The following MYCBP2 variants were observed in gnomAD, a reference collection of about 807,000 sequenced individuals.
The protein encoded by MYCBP2 is MYC binding protein 2.
Under a neutral mutation model 525.3 loss-of-function variants are expected in MYCBP2, and 120 were observed. The ratio of observed to expected loss-of-function variants is 0.23; its 90% CI spans 0.20 to 0.27. The LOEUF is 0.27. MYCBP2 is among the 10% of genes least tolerant of loss of function. The probability of loss-of-function intolerance (pLI) is 1.00; values close to 1 mark genes in which losing one functional copy is unlikely to be tolerated. For synonymous variants in MYCBP2, 1,894 were observed against 1,955.8 expected (o/e 0.97, Z 0.83); for missense variants, 4,149 against 5,657.1 (o/e 0.73, Z 8.55).
rs2076498890 is a variant in MYCBP2, at chr13:77,284,239, A to G, written c.594+3922T>C. Among the ~76,000 whole-genome samples the G allele has an allele frequency of 2.1e-5, 3 of 145,700 alleles. No homozygotes were observed. In the South Asian group the frequency reaches 6.3e-4, roughly 31 times the overall value. On this transcript the variant is annotated intron_variant, in intron 3 of 82. Coordinates refer to ENST00000544440, the MANE Select transcript of MYCBP2 (RefSeq NM_015057.5). ...AAAACTGTCTTAATCATGTTAAGGA[A>G]AAAAAAAAAAGAGTACAAGAAACAG...
intron 4 of MYCBP2, 21 bp downstream of exon 4, chr13:77,278,737 T>C (rs749814891): frequency 1.2e-5 from 17 of 1,477,246 alleles, no homozygotes; most frequent in Non-Finnish European, 1.5e-5. Context: ...AATGCTTCAC[T>C]GAATGAGCCT....
In MYCBP2 at chr13:77,067,688, T is replaced by G. The variant is rs1365026927; in HGVS notation, c.12348A>C (p.Ala4116=). The part of the protein sequence containing the change: ...LDMFLGCIAK[A]LTVQLKAKGT... The stretch of plus-strand genomic sequence containing the variant: ...CTTTGGCTTTTAGCTGTACAGTGAG[T>G]GCTTTGGCAATGCATCCTAGAAACA... The change falls in exon 71 of 83, where the codon GCA becomes GCC. Residue 4116 remains alanine (A), a synonymous_variant. Transcript: ENST00000544440. 2 of 1,614,134 alleles carry G rather than the reference T, an allele frequency of 1.2e-6. No homozygotes were observed. The highest frequency in any genetic ancestry group is 1.7e-6 in the Non-Finnish European group (2 of 1,180,024).
chr13:77,144,622 C>T (rs202233238), intron 48 of MYCBP2, 62 bp from the exon 49 acceptor site: 316 of 1,064,280 alleles, frequency 3.0e-4, no homozygotes, highest in Middle Eastern at 6.0e-4. Context: ...AACATCATTA[C>T]GATAGTTCAG....
chr13:77,140,714 A>G lies in MYCBP2; in HGVS notation c.7401+132T>C. On this transcript the variant is annotated intron_variant, in intron 50 of 82. Coordinates refer to ENST00000544440, the MANE Select transcript of MYCBP2 (RefSeq NM_015057.5). ...AATATTACCATGAACTACTCTCTAA[A>G]TTTATTTAGGGATATTTAGAATTCA... is the stretch of plus-strand genomic sequence containing the variant. 4 of 735,778 alleles carry G rather than the reference A, an allele frequency of 5.4e-6. No individual in the cohort carries two copies. In the South Asian group the frequency reaches 6.4e-5, roughly 12 times the overall value. 45.6% of individuals were successfully genotyped at this position (735,778 alleles called of 1,614,324 possible).
chr13:77,233,860 CAGAG>C (rs553354552), intron 17 of MYCBP2, among the ~76,000 whole-genome samples: 2 of 147,520 alleles, frequency 1.4e-5, no homozygotes, highest in Non-Finnish European at 1.5e-5. Flanking sequence ...TGTATACACA[CAGAG>C]AGAGAGAGAG....
chr13:77,303,376 A>C (rs2079024033), intron 1 of MYCBP2, among the ~76,000 whole-genome samples: 2 of 152,208 alleles, frequency 1.3e-5, no homozygotes, highest in South Asian at 4.1e-4. Flanking sequence ...ACCTGACCTA[A>C]TTGGCATACA....
In MYCBP2 at chr13:77,167,409, G is replaced by A. The variant is rs543605743; in HGVS notation, c.6115-855C>T. ...AGAGGGGTGTCTGAAAGAACCAGCA[G>A]GTAAGCTGAAGAGGCTCCCATCTAA... is the stretch of plus-strand genomic sequence containing the variant. On this transcript the variant is annotated intron_variant, in intron 40 of 82. Coordinates refer to ENST00000544440, the MANE Select transcript of MYCBP2 (RefSeq NM_015057.5). Among the ~76,000 whole-genome samples the A allele has an allele frequency of 7.9e-5, 12 of 152,192 alleles. No homozygotes were observed. The South Asian group carries it at 2.3e-3, about 29-fold the overall frequency.
chr13:77,059,043 G>C (rs1027953390), intron 77 of MYCBP2, among the ~76,000 whole-genome samples: 22 of 150,872 alleles, frequency 1.5e-4, no homozygotes, highest in Non-Finnish European at 2.7e-4. Flanking sequence ...ACCACTCTCC[G>C]CATCACCAAA....
intron 31 of MYCBP2, 98 bp from the exon 32 acceptor site, chr13:77,185,475 C>T: frequency 8.1e-7 from 1 of 1,229,402 alleles, no homozygotes; most frequent in Non-Finnish European, 1.1e-6. Context: ...AGCTAAGTAT[C>T]ACAAGTACTA....
chr13:77,187,070 A>T (rs934332904), intron 30 of MYCBP2, among the ~76,000 whole-genome samples: 1 of 152,150 alleles, frequency 6.6e-6, no homozygotes, highest in African/African-American at 2.4e-5. Flanking sequence ...TCGGCCTCCA[A>T]AAGTGCTGGG....
Position 77,327,043 on chromosome 13 carries a change from C to T in MYCBP2, c.-268G>A. ...GGAGGCGGTGCCGCCACTGCCGCCG[C>T]CACCACCGCTACCACCGCCACCACC... is the stretch of plus-strand genomic sequence containing the variant. On this transcript the variant is annotated 5_prime_UTR_variant, in exon 1 of 83. Coordinates refer to ENST00000544440, the MANE Select transcript of MYCBP2 (RefSeq NM_015057.5). The T allele has an allele frequency of 2.3e-6, 1 of 438,120 alleles. No individual in the cohort carries two copies. The highest frequency in any genetic ancestry group is 4.0e-6 in the Non-Finnish European group (1 of 252,956). 27.1% of individuals were successfully genotyped at this position (438,120 alleles called of 1,614,324 possible).
chr13:77,112,994 A>C (rs889979083), intron 55 of MYCBP2, among the ~76,000 whole-genome samples: 1 of 152,120 alleles, frequency 6.6e-6, no homozygotes, highest in Non-Finnish European at 1.5e-5. Flanking sequence ...TTTTCTCCTA[A>C]GCCTATTCTA....
chr13:77,270,067 C>A lies in MYCBP2; in HGVS notation c.1189-4G>T, dbSNP rs184831840. 1.1e-4 allele frequency: 170 copies of A among 1,581,404 alleles called. No homozygotes were observed. The African/African-American group carries it at 2.0e-3, about 19-fold the overall frequency. On this transcript the variant is annotated splice_polypyrimidine_tract_variant and splice_region_variant and intron_variant, in intron 6 of 82. Transcript: ENST00000544440. The stretch of plus-strand genomic sequence containing the variant: ...ATGTAGAATTGTATATATGGCCCTG[C>A]AAAAAAAACAAAAGTTAGTATATCA...
At chr13:77,099,200 C>T in intron 55 of MYCBP2, 187 bp from the exon 56 acceptor site, 3 of 790,916 alleles carry the variant, frequency 3.8e-6, no homozygotes, top group Non-Finnish European at 5.8e-6. Context: ...CACATCATTA[C>T]ACAACATTAC....
intron 43 of MYCBP2, among the ~76,000 whole-genome samples, 198 bp downstream of exon 43, chr13:77,164,256 C>T (rs1010637792): frequency 1.3e-5 from 2 of 152,098 alleles, no homozygotes; most frequent in African/African-American, 2.4e-5. Context: ...TGTCCATGTG[C>T]GTGTGTAAAT....
intron 14 of MYCBP2, among the ~76,000 whole-genome samples, chr13:77,252,299 T>G (rs1265354807): frequency 1.3e-5 from 2 of 152,186 alleles, no homozygotes; most frequent in Non-Finnish European, 2.9e-5. Flanking sequence ...GTAAAATCAA[T>G]TTTTAGCTTA....
chr13:77,121,414 C>T lies in MYCBP2; in HGVS notation c.8099G>A (p.Cys2700Tyr). The T allele has an allele frequency of 1.9e-6, 3 of 1,597,610 alleles. No individual in the cohort carries two copies. Among genetic ancestry groups the T allele is most frequent in the Non-Finnish European group, 8.6e-7 (1 of 1,168,726 alleles). Residue 2700 changes from cysteine to tyrosine, a missense_variant, in exon 55 of 83, where the codon TGC becomes TAC. Cys to Tyr is a radical substitution (Grantham distance 194, BLOSUM62 -2). This residue lies in a region of MYCBP2 where 653 missense variants were observed against 744.7 expected (regional missense o/e 0.88). Coordinates refer to ENST00000544440, the MANE Select transcript of MYCBP2 (RefSeq NM_015057.5). The part of the protein sequence containing the change: ...SVQAFNKGAS[C>Y]SAQGFDYGLG... ...TCCATAATCAAATCCTTGGGCACTG[C>T]AACTTGCCCCTTTATTAAAAGCTTG...
At chr13:77,138,352 T>C (rs996408328) in intron 52 of MYCBP2, among the ~76,000 whole-genome samples, 1 of 152,208 alleles carries the variant, frequency 6.6e-6, no homozygotes, top group Non-Finnish European at 1.5e-5. Flanking sequence ...TTGGAGAACA[T>C]TATTATGGAC....
chr13:77,202,589 C>A (rs1293704401), intron 26 of MYCBP2, among the ~76,000 whole-genome samples: 3 of 151,220 alleles, frequency 2.0e-5, no homozygotes, highest in Non-Finnish European at 4.4e-5. Flanking sequence ...GAGACACAAC[C>A]AAAAAAGAGA....
Sources: allele counts gnomAD v4.1 joint callset (sites outside exome capture counted in the v4.1 genomes callset), GRCh38; gene constraint gnomAD v4.1.1; regional missense constraint gnomAD v4.1.1; transcripts MANE v1.5; gene names NCBI Gene and HGNC (gene_info 2026-07-23, HGNC 2026-07-21).